Variants in PTPN22 observed in about 807,000 individuals in gnomAD.
PTPN22 encodes the protein protein tyrosine phosphatase non-receptor type 22.
In PTPN22, 85 loss-of-function variants were observed where a neutral mutation model predicts 103.3. The observed-to-expected ratio is 0.82, with a 90% CI of 0.69 to 0.99. The LOEUF (loss-of-function observed/expected upper bound fraction) is 0.99. PTPN22 is among the 50% of genes least tolerant of loss of function. The pLI is 0.00. For missense variants in PTPN22, 865 were observed against 936.9 expected, an observed-to-expected ratio of 0.92 and a Z score of 1.00; for synonymous variants, 323 against 310.2, an observed-to-expected ratio of 1.04 and a Z score of -0.43.
chr1:113,817,550 A>T (rs1251626664), intron 20 of PTPN22, among the ~76,000 whole-genome samples: 1 of 151,494 alleles, frequency 6.6e-6, no homozygotes, highest in Non-Finnish European at 1.5e-5. Flanking sequence ...TGATCCTCCC[A>T]CCTCAGCCTC....
Position 113,834,896 on chromosome 1 carries a change from T to C in PTPN22, c.1894+14A>G. The C allele has an allele frequency of 6.6e-7, 1 of 1,525,810 alleles. No individual in the cohort carries two copies. The highest frequency in any genetic ancestry group is 1.2e-5 in the South Asian group (1 of 82,728). 94.5% of individuals were successfully genotyped at this position (1,525,810 alleles called of 1,614,324 possible). ...ATCCCACACTTTATTTTATACTTAC[T>C]GAACTGTACTCACCAGCTTCCTCAA... On this transcript the variant is annotated intron_variant, in intron 14 of 20. Coordinates refer to ENST00000359785, the Ensembl canonical transcript of PTPN22.
rs139931798 is a variant in PTPN22 at position 113,817,823 on chromosome 1, A to G, written c.2359+1754T>C. ...CAGCTCTCTAATATTTTATCCTCAT[A>G]TTAGATTATGTAGACTGTTGTTAAG... On this transcript the variant is annotated intron_variant, in intron 20 of 20. Transcript: ENST00000359785. 5.0e-3 allele frequency among the ~76,000 whole-genome samples: 764 copies of G among 152,264 alleles called. 4 individuals are homozygous for G. Among genetic ancestry groups the G allele is most frequent in the African/African-American group, 0.018 (738 of 41,552 alleles).
intron 1 of PTPN22, among the ~76,000 whole-genome samples, chr1:113,861,977 T>C (rs1665652033): frequency 6.6e-6 from 1 of 151,888 alleles, no homozygotes; most frequent in African/African-American, 2.4e-5. Flanking sequence ...GGGGAATAGT[T>C]GCCAAGAGGA....
intron 7 of PTPN22, among the ~76,000 whole-genome samples, chr1:113,855,668 A>G (rs550848363): frequency 2.3e-4 from 35 of 152,246 alleles, no homozygotes; most frequent in African/African-American, 8.4e-4. Context: ...TTCTCTATAG[A>G]TCTCAGGTGA....
chr1:113,828,201 T>C lies in PTPN22; in HGVS notation c.2250+1391A>G, dbSNP rs1234959822. Among the ~76,000 whole-genome samples the C allele has an allele frequency of 2.6e-5, 4 of 152,172 alleles. No homozygotes were observed. The South Asian group carries it at 6.2e-4, about 24-fold the overall frequency. The stretch of plus-strand genomic sequence containing the variant: ...ATTTTTTTTCCTCCAATTTGTTCTT[T>C]GTCTTTTGATTTTTAAGGTGATTGT... On this transcript the variant is annotated intron_variant, in intron 18 of 20. Coordinates refer to ENST00000359785, the Ensembl canonical transcript of PTPN22.
chr1:113,820,596 T>C (rs527607344), intron 19 of PTPN22, among the ~76,000 whole-genome samples: 2 of 152,234 alleles, frequency 1.3e-5, no homozygotes, highest in Admixed American at 6.5e-5. Context: ...TATATGTACA[T>C]TGATATATTC....
At chr1:113,820,398 G>T (rs1409693459) in intron 19 of PTPN22, among the ~76,000 whole-genome samples, 2 of 152,180 alleles carry the variant, frequency 1.3e-5, no homozygotes, top group Admixed American at 1.3e-4. Flanking sequence ...GCAGAGGGAT[G>T]AGGTGAGCCC....
At position 113,860,541 on chromosome 1, in the gene PTPN22, GT is replaced by G. The variant is rs1665488266; in HGVS notation, c.88-1082del. Among the ~76,000 whole-genome samples the G allele has an allele frequency of 1.3e-5, 2 of 152,096 alleles. 1 individual carries two copies. Among genetic ancestry groups the G allele is most frequent in the South Asian group, 4.1e-4 (2 of 4,826 alleles). On this transcript the variant is annotated intron_variant, in intron 1 of 20. Transcript: ENST00000359785. Reference sequence around the variant, plus strand: ...CTGATATCTTTTTGTTTGTTTGTTTGTTTAACTTTGAACCCCAAGAAGCTAC... The same window carrying G: ...CTGATATCTTTTTGTTTGTTTGTTTGTTAACTTTGAACCCCAAGAAGCTAC...
chr1:113,828,033 A>AT (rs1662238075), intron 18 of PTPN22, among the ~76,000 whole-genome samples: 1 of 152,224 alleles, frequency 6.6e-6, no homozygotes, highest in African/African-American at 2.4e-5. Context: ...TATAAAGGGC[A>AT]TACCATGCTC....
intron 18 of PTPN22, among the ~76,000 whole-genome samples, chr1:113,828,592 T>C (rs944503277): frequency 2.6e-5 from 4 of 152,202 alleles, no homozygotes; most frequent in Non-Finnish European, 5.9e-5. Context: ...GAACTTTCCC[T>C]TTTACTCTGC....
intron 18 of PTPN22, among the ~76,000 whole-genome samples, chr1:113,826,256 G>T (rs892647806): frequency 9.9e-5 from 15 of 152,196 alleles, no homozygotes; most frequent in Admixed American, 9.8e-4. Flanking sequence ...GATGCAGGAG[G>T]ATCACTTGAG....
intron 1 of PTPN22, among the ~76,000 whole-genome samples, chr1:113,868,400 G>A (rs1666297399): frequency 6.6e-6 from 1 of 152,156 alleles, no homozygotes; most frequent in Admixed American, 6.5e-5. Context: ...AATACATTAA[G>A]GGCTTAAGAT....
intron 20 of PTPN22, among the ~76,000 whole-genome samples, chr1:113,818,485 C>G (rs1661338952): frequency 6.6e-6 from 1 of 152,010 alleles, no homozygotes; most frequent in African/African-American, 2.4e-5. Context: ...TTTTAAACCT[C>G]AGAGTTAATG....
At chr1:113,843,351 C>T (rs1377455498) in intron 11 of PTPN22, among the ~76,000 whole-genome samples, 2 of 151,820 alleles carry the variant, frequency 1.3e-5, no homozygotes, top group African/African-American at 4.8e-5. Context: ...ATTATTCAGC[C>T]TTAATGAGTA....
At chr1:113,862,461 G>A (rs2102160136) in intron 1 of PTPN22, among the ~76,000 whole-genome samples, 1 of 152,262 alleles carries the variant, frequency 6.6e-6, no homozygotes, top group African/African-American at 2.4e-5. Context: ...CAAGAAAGGA[G>A]AGGAGAATGG....
At chr1:113,831,807 G>A (rs1471994022) in intron 16 of PTPN22, among the ~76,000 whole-genome samples, 9 of 152,134 alleles carry the variant, frequency 5.9e-5, no homozygotes, top group African/African-American at 9.7e-5. Flanking sequence ...TCACTTAGTG[G>A]TTCCACGTGA....
chr1:113,828,904 G>A (rs1662310138), intron 18 of PTPN22, among the ~76,000 whole-genome samples: 1 of 152,120 alleles, frequency 6.6e-6, no homozygotes. Flanking sequence ...CCAAAGGCTG[G>A]GATTACAGGC....
intron 20 of PTPN22, among the ~76,000 whole-genome samples, chr1:113,816,680 G>A (rs552396386): frequency 6.6e-6 from 1 of 151,956 alleles, no homozygotes; most frequent in East Asian, 2.0e-4. Flanking sequence ...AGGCTGAGGT[G>A]AGTGGATCAC....
chr1:113,822,908 G>A (rs749675409), intron 19 of PTPN22, among the ~76,000 whole-genome samples: 8 of 152,156 alleles, frequency 5.3e-5, no homozygotes, highest in Admixed American at 2.0e-4. Context: ...GCAGTGAGCC[G>A]AGATCGCATC....
Sources: gnomAD v4.1 joint callset for allele counts (sites outside exome capture counted in the v4.1 genomes callset) on GRCh38, gnomAD v4.1.1 for gene constraint, MANE v1.5 for transcripts, NCBI Gene and HGNC (gene_info 2026-07-23, HGNC 2026-07-21) for gene names.